The following NAV2 variants were observed in gnomAD, a reference collection of about 807,000 sequenced individuals.
NAV2 encodes the protein neuron navigator 2, also known as helicase, APC down-regulated 1.
A neutral mutation model predicts 223.2 loss-of-function variants in NAV2; 54 were observed. That is an observed-to-expected ratio of 0.24 (90% CI 0.19 to 0.30). NAV2 has a LOEUF of 0.30. Ranked by LOEUF, NAV2 falls within the 10% of genes least tolerant of loss-of-function variation. NAV2 has a pLI of 1.00. For missense variants in NAV2, 2,806 were observed against 3,147.5 expected (o/e 0.89, Z 2.60); for synonymous variants, 1,279 against 1,239.3 (o/e 1.03, Z -0.67).
At chr11:19,843,657 T>C (rs12292580) in intron 3 of NAV2, among the ~76,000 whole-genome samples, 25,484 of 151,962 alleles carry the variant, frequency 0.17, 2,180 homozygotes, top group Non-Finnish European at 0.19. Flanking sequence ...AAGTATATTT[T>C]CAGAGTCTGT....
chr11:19,638,854 G>A (rs1047338255), intron 1 of NAV2, among the ~76,000 whole-genome samples: 9 of 152,236 alleles, frequency 5.9e-5, no homozygotes, highest in African/African-American at 9.6e-5. Flanking sequence ...TTAGCCAGGC[G>A]TGGTGGCGCA....
At chr11:19,668,016 C>T (rs749087095) in intron 1 of NAV2, among the ~76,000 whole-genome samples, 1 of 152,190 alleles carries the variant, frequency 6.6e-6, no homozygotes, top group African/African-American at 2.4e-5. Context: ...CCCAAACTCC[C>T]CCAGCCCAGA....
intron 1 of NAV2, among the ~76,000 whole-genome samples, chr11:19,554,741 C>A (rs1459402488): frequency 6.6e-6 from 1 of 152,022 alleles, no homozygotes; most frequent in East Asian, 1.9e-4. Context: ...CCGAGGCGGG[C>A]AGATCACCTG....
chr11:20,087,685 A>G (rs931897656), intron 26 of NAV2, among the ~76,000 whole-genome samples: 16 of 152,214 alleles, frequency 1.1e-4, no homozygotes, highest in African/African-American at 3.9e-4. Context: ...TAAGCAGTTT[A>G]TGAAGTGGAC....
In NAV2 at chr11:20,043,881, C is replaced by T. The variant is rs907033124; in HGVS notation, c.2908-100C>T. ...CATCTTTAAAGTAATGCTTATTTTT[C>T]CCTTAACTACTCCAGTGTTTTGGCA... On this transcript the variant is annotated intron_variant, in intron 12 of 37. Coordinates refer to ENST00000349880, the MANE Select transcript of NAV2 (RefSeq NM_145117.5). 76 of 1,035,820 alleles carry T rather than the reference C, an allele frequency of 7.3e-5. No individual in the cohort carries two copies. In the African/African-American group the frequency reaches 1.0e-3, roughly 14 times the overall value. 64.2% of individuals were successfully genotyped at this position (1,035,820 alleles called of 1,614,324 possible).
chr11:19,439,257 A>G (rs900739476), intron 1 of NAV2, among the ~76,000 whole-genome samples: 2 of 152,196 alleles, frequency 1.3e-5, no homozygotes, highest in African/African-American at 4.8e-5. Flanking sequence ...TTGTATCACA[A>G]TATCATACCA....
chr11:19,533,655 C>T (rs1484448809), intron 1 of NAV2, among the ~76,000 whole-genome samples: 2 of 152,044 alleles, frequency 1.3e-5, no homozygotes, highest in East Asian at 3.9e-4. Context: ...CTACCCCCAC[C>T]CCCTCTGTTT....
chr11:19,988,135 A>G (rs12099071), intron 11 of NAV2, among the ~76,000 whole-genome samples: 106,208 of 152,092 alleles, frequency 0.7, 38,013 homozygotes, highest in Middle Eastern at 0.83. Context: ...AAAGTTCTAA[A>G]TCTCTTTCTT....
At chr11:19,843,351 T>C (rs1397700265) in intron 3 of NAV2, among the ~76,000 whole-genome samples, 1 of 152,172 alleles carries the variant, frequency 6.6e-6, no homozygotes, top group Admixed American at 6.5e-5. Flanking sequence ...CCTTTAAAGG[T>C]TGGAATGATG....
At chr11:19,631,056 T>A (rs1049237407) in intron 1 of NAV2, among the ~76,000 whole-genome samples, 6 of 151,372 alleles carry the variant, frequency 4.0e-5, no homozygotes, top group Non-Finnish European at 8.8e-5. Context: ...AAAAATGGCC[T>A]GAATTGCCCC....
intron 6 of NAV2, among the ~76,000 whole-genome samples, chr11:19,893,419 T>G (rs945595703): frequency 3.9e-5 from 6 of 152,224 alleles, no homozygotes; most frequent in Non-Finnish European, 5.9e-5. Context: ...GTGTAGAAGA[T>G]TCCTAGGGCT....
Position 19,885,583 on chromosome 11 carries a change from T to C in NAV2, c.770+5456T>C, listed in dbSNP as rs1409346333. Among the ~76,000 whole-genome samples, 12 of 152,232 alleles carry C rather than the reference T, an allele frequency of 7.9e-5. 1 individual carries two copies. Among genetic ancestry groups the C allele is most frequent in the Admixed American group, 7.9e-4 (12 of 15,278 alleles). ...CTTATTGAGTATTGAGTCACCCTAT[T>C]CTTGGTTCACAGTATGAATTTACTC... On this transcript the variant is annotated intron_variant, in intron 5 of 37. Coordinates refer to ENST00000349880, the MANE Select transcript of NAV2 (RefSeq NM_145117.5).
At chr11:19,532,638 T>TCA (rs2134439471) in intron 1 of NAV2, among the ~76,000 whole-genome samples, 1 of 152,296 alleles carries the variant, frequency 6.6e-6, no homozygotes, top group East Asian at 1.9e-4. Flanking sequence ...AGCAGGCTAC[T>TCA]CACGGTGGTG....
intron 3 of NAV2, among the ~76,000 whole-genome samples, chr11:19,843,649 G>A (rs2060623844): frequency 6.6e-6 from 1 of 151,026 alleles, no homozygotes; most frequent in African/African-American, 2.4e-5. Flanking sequence ...ACAAAAAAAA[G>A]TATATTTTCA....
intron 1 of NAV2, among the ~76,000 whole-genome samples, chr11:19,682,292 G>T (rs2048901863): frequency 6.6e-6 from 1 of 152,184 alleles, no homozygotes; most frequent in African/African-American, 2.4e-5. Flanking sequence ...TAAGAACTGT[G>T]CTAAACTTTT....
intron 1 of NAV2, among the ~76,000 whole-genome samples, chr11:19,810,640 A>G (rs2058793769): frequency 6.6e-6 from 1 of 152,184 alleles, no homozygotes; most frequent in African/African-American, 2.4e-5. Flanking sequence ...ATTCTAATCC[A>G]TTACCACATG....
intron 1 of NAV2, among the ~76,000 whole-genome samples, chr11:19,519,436 G>A (rs2043571859): frequency 6.6e-6 from 1 of 152,168 alleles, no homozygotes; most frequent in Non-Finnish European, 1.5e-5. Context: ...CCATTTTATG[G>A]GTGGAGCAAC....
intron 1 of NAV2, among the ~76,000 whole-genome samples, chr11:19,423,601 T>A (rs1329901862): frequency 6.6e-6 from 1 of 152,230 alleles, no homozygotes; most frequent in Admixed American, 6.5e-5. Flanking sequence ...TGTTATTTCA[T>A]TGAGCTCTTG....
intron 1 of NAV2, among the ~76,000 whole-genome samples, chr11:19,430,415 T>A (rs1850999500): frequency 6.6e-6 from 1 of 152,194 alleles, no homozygotes; most frequent in Admixed American, 6.5e-5. Context: ...GGCTGGGTCC[T>A]CTTGAGACAG....
Sources: allele counts gnomAD v4.1 joint callset (sites outside exome capture counted in the v4.1 genomes callset), GRCh38; gene constraint gnomAD v4.1.1; transcripts MANE v1.5; gene names NCBI Gene and HGNC (gene_info 2026-07-23, HGNC 2026-07-21).